The following MROH2A variants were observed in gnomAD, a reference collection of about 807,000 sequenced individuals.
The protein encoded by MROH2A is maestro heat like repeat family member 2A, also known as maestro heat-like repeat-containing protein family member 2A.
Under a neutral mutation model 200.4 loss-of-function variants are expected in MROH2A, and 174 were observed. The observed-to-expected ratio is 0.87, with a 90% CI of 0.77 to 0.98. MROH2A has a LOEUF of 0.98. MROH2A is among the 50% of genes least tolerant of loss of function. The pLI is 0.00. For missense variants in MROH2A, 2,045 were observed against 2,139.6 expected, an observed-to-expected ratio of 0.96 and a Z score of 0.87; for synonymous variants, 829 against 840.4, an observed-to-expected ratio of 0.99 and a Z score of 0.23.
chr2:233,775,915 A>G (rs11688676), upstream of MROH2A, among the ~76,000 whole-genome samples: 142 of 152,248 alleles, frequency 9.3e-4, no homozygotes, highest in Non-Finnish European at 1.7e-3. Flanking sequence ...TTCTCACAAG[A>G]TCTGATGGTT....
At chr2:233,830,395 G>T (rs1261153219) in intron 38 of MROH2A, among the ~76,000 whole-genome samples, 3 of 152,210 alleles carry the variant, frequency 2.0e-5, no homozygotes, top group African/African-American at 7.2e-5. Context: ...GGGGGGTGGG[G>T]TCAGGAAGTG....
chr2:233,784,010 G>T lies in MROH2A; in HGVS notation c.276+4158G>T, dbSNP rs556597916. 1.1e-4 allele frequency among the ~76,000 whole-genome samples: 17 copies of T among 149,966 alleles called. No homozygotes were observed. The South Asian group carries it at 3.6e-3, about 32-fold the overall frequency. On this transcript the variant is annotated intron_variant, in intron 3 of 41. Coordinates refer to ENST00000389758, the MANE Select transcript of MROH2A (RefSeq NM_001394639.1). ...TTTTCAAAAACTCAACTTTTCTTTT[G>T]TTCTCCTGTATTGTTTTATTACTCT...
chr2:233,800,416 C>T (rs1433186354), intron 14 of MROH2A, 101 bp downstream of exon 14: 28 of 728,058 alleles, frequency 3.8e-5, no homozygotes, highest in Non-Finnish European at 6.1e-5. Flanking sequence ...TCCGTTCCTG[C>T]TGTCTGGAGT....
intron 5 of MROH2A, among the ~76,000 whole-genome samples, chr2:233,792,503 G>A (rs923775674): frequency 5.9e-5 from 9 of 151,824 alleles, no homozygotes; most frequent in South Asian, 2.1e-4. Flanking sequence ...TAGTAGAGAC[G>A]GGGTTTCAAC....
At chr2:233,822,832 C>T in intron 33 of MROH2A, 49 bp from the exon 34 acceptor site, 1 of 1,542,102 alleles carries the variant, frequency 6.5e-7, no homozygotes. Flanking sequence ...CTCCCCAGGC[C>T]ATGCGCTCCC....
At chr2:233,797,315 C>T (rs1368165732) in intron 11 of MROH2A, among the ~76,000 whole-genome samples, 3 of 152,150 alleles carry the variant, frequency 2.0e-5, no homozygotes, top group Non-Finnish European at 4.4e-5. Context: ...TGTCAACCAT[C>T]CAAAGGACAT....
chr2:233,800,311 C>T lies in MROH2A; in HGVS notation c.1556C>T (p.Thr519Ile). The change falls in exon 14 of 42, where the codon ACC (threonine) becomes ATC (isoleucine). Residue 519 changes from threonine (T) to isoleucine (I), a missense_variant. Transcript: ENST00000389758. The stretch of plus-strand genomic sequence containing the variant: ...ATTACCTCTTCTGTCAGTGGGATGA[C>T]CACCGTGAGTGGGCCCTGCCCCACC... Reference protein sequence around the residue: ...KIITSSVSGMTTEFWVRLLCY... With the variant: ...KIITSSVSGMITEFWVRLLCY... 6.5e-7 allele frequency: 1 copy of T among 1,543,406 alleles called. No individual in the cohort carries two copies. The highest frequency in any genetic ancestry group is 8.8e-7 in the Non-Finnish European group (1 of 1,142,368).
intron 3 of MROH2A, among the ~76,000 whole-genome samples, chr2:233,785,531 T>A (rs7596785): frequency 6.6e-6 from 1 of 150,866 alleles, no homozygotes; most frequent in Non-Finnish European, 1.5e-5. Context: ...GGGCCAACCA[T>A]GCCATGCAGG....
intron 22 of MROH2A, among the ~76,000 whole-genome samples, chr2:233,810,218 G>A (rs17863814): frequency 0.16 from 25,061 of 152,152 alleles, 2,364 homozygotes; most frequent in Middle Eastern, 0.3. Flanking sequence ...TCGTGTTAAC[G>A]CTGCTGCTAA....
chr2:233,790,089 T>A (rs1296998051), intron 5 of MROH2A, 75 bp downstream of exon 5: 3 of 1,332,230 alleles, frequency 2.3e-6, no homozygotes, highest in Non-Finnish European at 3.0e-6. Context: ...CTCCCATCTA[T>A]CCCTATGTTC....
chr2:233,780,159 A>C (rs1700880609), intron 3 of MROH2A, among the ~76,000 whole-genome samples: 1 of 152,202 alleles, frequency 6.6e-6, no homozygotes, highest in Non-Finnish European at 1.5e-5. Context: ...CACAGTGTGC[A>C]GGGATGTTTG....
intron 35 of MROH2A, among the ~76,000 whole-genome samples, chr2:233,825,494 A>C (rs1042305530): frequency 3.9e-4 from 60 of 152,240 alleles, no homozygotes; most frequent in African/African-American, 1.4e-3. Flanking sequence ...GAGGTACTTC[A>C]ATACCTAGTT....
intron 26 of MROH2A, among the ~76,000 whole-genome samples, chr2:233,815,895 T>A (rs1040013824): frequency 2.0e-5 from 3 of 151,770 alleles, no homozygotes; most frequent in Non-Finnish European, 4.4e-5. Flanking sequence ...ATACGTTGCG[T>A]TTTAATTTTA....
At chr2:233,788,108 T>TATATATTATATATAC (rs1553628784) in intron 3 of MROH2A, among the ~76,000 whole-genome samples, 18 of 106,746 alleles carry the variant, frequency 1.7e-4, no homozygotes, top group East Asian at 1.4e-3. Context: ...TATATATACA[T>TATATATTATATATAC]ATATATTATA....
rs188267493 is a variant in MROH2A at position 233,792,272 on chromosome 2, C to T, written c.572-524C>T. Among the ~76,000 whole-genome samples the T allele has an allele frequency of 1.1e-4, 16 of 152,074 alleles. No homozygotes were observed. In the East Asian group the frequency reaches 2.9e-3, roughly 28 times the overall value. ...TCCTCTCTCTTCTTCCCTTTCCTCC[C>T]CTTTTGCCTGGCTTTCTTCCTGTGT... On this transcript the variant is annotated intron_variant, in intron 5 of 41. Coordinates refer to ENST00000389758, the MANE Select transcript of MROH2A (RefSeq NM_001394639.1).
In MROH2A at chr2:233,807,506, G is replaced by A. The variant is rs780951966; in HGVS notation, c.2136G>A (p.Leu712=). ...SKVEVLLLEL[L]YKTDYSNDFD... The stretch of plus-strand genomic sequence containing the variant: ...TGGAGGTCCTGCTGTTGGAGCTGCT[G>A]TACAAGACGGACTACAGCAATGACT... Residue 712 remains leucine, a synonymous_variant, in exon 20 of 42, where the codon CTG becomes CTA. Transcript: ENST00000389758. The surrounding 1 kb of genome is among the most constrained non-coding windows in gnomAD (Gnocchi z 4.3). The A allele has an allele frequency of 1.5e-5, 23 of 1,550,638 alleles. No individual in the cohort carries two copies. Among genetic ancestry groups the A allele is most frequent in the Non-Finnish European group, 2.6e-6 (3 of 1,147,016 alleles).
Position 233,807,705 on chromosome 2 carries a change from C to A in MROH2A, c.2173-28C>A, listed in dbSNP as rs1308401662. The A allele has an allele frequency of 1.3e-6, 2 of 1,550,532 alleles. No individual in the cohort carries two copies. The highest frequency in any genetic ancestry group is 2.4e-5 in the East Asian group (1 of 40,940). On this transcript the variant is annotated intron_variant, in intron 20 of 41. Coordinates refer to ENST00000389758, the MANE Select transcript of MROH2A (RefSeq NM_001394639.1). The surrounding 1 kb of genome is among the most constrained non-coding windows in gnomAD (Gnocchi z 4.3). ...TCCTCTGCCCACTGGCCCCTGCCCT[C>A]ACCCTGGCTGGCTGGGTCTCCCTGC... is the stretch of plus-strand genomic sequence containing the variant.
chr2:233,795,427 G>A (rs958453950), intron 8 of MROH2A, among the ~76,000 whole-genome samples: 2 of 152,164 alleles, frequency 1.3e-5, no homozygotes, highest in East Asian at 1.9e-4. Flanking sequence ...GGGGCCTAGC[G>A]CAGCACTTCC....
At chr2:233,814,451 T>A (rs1221452948) in intron 25 of MROH2A, 131 bp from the exon 26 acceptor site, 1 of 604,570 alleles carries the variant, frequency 1.7e-6, no homozygotes, top group Non-Finnish European at 3.0e-6. Context: ...AGAAAATAAG[T>A]GTCAAGAGCT....
Sources: allele counts gnomAD v4.1 joint callset (sites outside exome capture counted in the v4.1 genomes callset), GRCh38; gene constraint gnomAD v4.1.1; non-coding constraint Gnocchi (gnomAD v3.1); transcripts MANE v1.5; gene names NCBI Gene and HGNC (gene_info 2026-07-23, HGNC 2026-07-21).